The following MNAT1 variants were observed in gnomAD, a reference collection of about 807,000 sequenced individuals.
MNAT1 encodes the protein MNAT1 component of CDK activating kinase.
In MNAT1, 43 loss-of-function variants were observed where a neutral mutation model predicts 42.0. The observed-to-expected ratio is 1.02, with a 90% CI of 0.80 to 1.32. MNAT1 has a LOEUF of 1.32. Ranked by LOEUF, MNAT1 falls within the 40% of genes most tolerant of loss-of-function variation. The probability of loss-of-function intolerance (pLI) is 0.00; values close to 1 mark genes in which losing one functional copy is unlikely to be tolerated. For synonymous variants in MNAT1, 118 were observed against 120.0 expected (o/e 0.98, Z 0.11); for missense variants, 306 against 350.4 (o/e 0.87, Z 1.01).
chr14:60,839,830 G>A (rs1427834251), intron 6 of MNAT1, among the ~76,000 whole-genome samples: 1 of 152,230 alleles, frequency 6.6e-6, no homozygotes, highest in African/African-American at 2.4e-5. Context: ...GCAGCAGCTG[G>A]CATGCCTGGC....
intron 3 of MNAT1, chr14:60,799,519 A>C (rs531448324): frequency 2.0e-6 from 1 of 505,338 alleles, no homozygotes; most frequent in African/African-American, 2.1e-5. Flanking sequence ...GTCAAGCAAT[A>C]AAGGGAAAGG....
intron 7 of MNAT1, among the ~76,000 whole-genome samples, chr14:60,911,486 C>T (rs915840024): frequency 6.6e-6 from 1 of 152,116 alleles, no homozygotes; most frequent in Non-Finnish European, 1.5e-5. Flanking sequence ...CCTCTACACA[C>T]TGCTTTGAAT....
At chr14:60,799,537 A>G (rs2032133724) in intron 3 of MNAT1, 1 of 355,868 alleles carries the variant, frequency 2.8e-6, no homozygotes, top group Non-Finnish European at 3.9e-6. Context: ...AGGAAATTAT[A>G]GGTGTTGCAG....
intron 7 of MNAT1, among the ~76,000 whole-genome samples, chr14:60,944,590 C>A (rs1004614100): frequency 1.3e-5 from 2 of 152,162 alleles, no homozygotes; most frequent in Non-Finnish European, 2.9e-5. Context: ...TACCATATAG[C>A]TTTAGAATCA....
intron 7 of MNAT1, among the ~76,000 whole-genome samples, chr14:60,918,354 G>A (rs944825099): frequency 6.6e-6 from 1 of 150,840 alleles, no homozygotes; most frequent in Non-Finnish European, 1.5e-5. Flanking sequence ...GACTACAGGC[G>A]CCCGCAACCA....
intron 1 of MNAT1, among the ~76,000 whole-genome samples, chr14:60,752,414 G>A (rs1171908506): frequency 6.6e-6 from 1 of 151,958 alleles, no homozygotes; most frequent in African/African-American, 2.4e-5. Flanking sequence ...TGTCTATTAT[G>A]TTTTATTGAA....
At chr14:60,928,570 A>AT (rs1473693584) in intron 7 of MNAT1, among the ~76,000 whole-genome samples, 1 of 152,028 alleles carries the variant, frequency 6.6e-6, no homozygotes, top group Non-Finnish European at 1.5e-5. Flanking sequence ...TATCTCATTA[A>AT]TTTGTCTTTC....
chr14:60,944,419 A>T (rs1027001977), intron 7 of MNAT1, among the ~76,000 whole-genome samples: 1 of 152,218 alleles, frequency 6.6e-6, no homozygotes, highest in African/African-American at 2.4e-5. Context: ...TCTCTCTGCC[A>T]CGTGAGGACA....
intron 6 of MNAT1, among the ~76,000 whole-genome samples, chr14:60,850,806 G>A (rs2033804353): frequency 6.6e-6 from 1 of 152,140 alleles, no homozygotes; most frequent in Non-Finnish European, 1.5e-5. Context: ...GAAAGAGAGT[G>A]ATTAGGTGAC....
At chr14:60,843,341 G>C (rs2033598906) in intron 6 of MNAT1, among the ~76,000 whole-genome samples, 1 of 152,104 alleles carries the variant, frequency 6.6e-6, no homozygotes, top group African/African-American at 2.4e-5. Context: ...CGCGACCTCA[G>C]CTCACTGCAA....
intron 6 of MNAT1, among the ~76,000 whole-genome samples, chr14:60,857,744 GC>G (rs1221804317): frequency 2.0e-5 from 3 of 151,584 alleles, no homozygotes; most frequent in Admixed American, 6.6e-5. Context: ...CCCCTGACAG[GC>G]CCCGGTGTGT....
chr14:60,798,899 C>A (rs1381307063), intron 3 of MNAT1, among the ~76,000 whole-genome samples: 1 of 152,062 alleles, frequency 6.6e-6, no homozygotes, highest in Non-Finnish European at 1.5e-5. Context: ...GATCAAACAG[C>A]AATCATTTTT....
chr14:60,780,849 G>C (rs1370822300), intron 1 of MNAT1, among the ~76,000 whole-genome samples: 1 of 151,860 alleles, frequency 6.6e-6, no homozygotes, highest in African/African-American at 2.4e-5. Flanking sequence ...TCAACATTGT[G>C]ATGTATATTC....
At chr14:60,855,284 G>A (rs748740816) in intron 6 of MNAT1, among the ~76,000 whole-genome samples, 12 of 151,902 alleles carry the variant, frequency 7.9e-5, no homozygotes, top group Non-Finnish European at 1.6e-4. Context: ...GAGACCACTT[G>A]GCTCTCTGGC....
intron 7 of MNAT1, among the ~76,000 whole-genome samples, chr14:60,936,912 A>G (rs940523713): frequency 3.4e-4 from 51 of 152,038 alleles, no homozygotes; most frequent in African/African-American, 1.1e-3. Flanking sequence ...TTTAATGATC[A>G]CCATTCTAAC....
chr14:60,839,747 G>A (rs1310130070), intron 6 of MNAT1, among the ~76,000 whole-genome samples: 2 of 152,234 alleles, frequency 1.3e-5, no homozygotes, highest in South Asian at 4.1e-4. Context: ...GCCTGCAGTG[G>A]AAGCCACTTG....
At chr14:60,804,930 A>G (rs963795513) in intron 3 of MNAT1, among the ~76,000 whole-genome samples, 1 of 152,210 alleles carries the variant, frequency 6.6e-6, no homozygotes, top group African/African-American at 2.4e-5. Context: ...GTTTGCTAAT[A>G]AACAGTGTTT....
At chr14:60,887,742 G>A (rs949988598) in intron 7 of MNAT1, among the ~76,000 whole-genome samples, 1 of 151,926 alleles carries the variant, frequency 6.6e-6, no homozygotes, top group Non-Finnish European at 1.5e-5. Flanking sequence ...TCAAATAGAT[G>A]CAATAAAAAA....
Position 60,924,321 on chromosome 14 carries a change from C to A in MNAT1, c.810-43908C>A, listed in dbSNP as rs150066690. Among the ~76,000 whole-genome samples, 592 of 150,412 alleles carry A rather than the reference C, an allele frequency of 3.9e-3. 1 individual carries two copies. Among genetic ancestry groups the A allele is most frequent in the Admixed American group, 7.3e-3 (110 of 15,140 alleles). On this transcript the variant is annotated intron_variant, in intron 7 of 7. Coordinates refer to ENST00000261245, the MANE Select transcript of MNAT1 (RefSeq NM_002431.4). ...ATACATGTAAAGTTTATAATTCACC[C>A]CAGAATTTATATTACTAAGTTTGTG...
Sources: gnomAD v4.1 joint callset for allele counts (sites outside exome capture counted in the v4.1 genomes callset) on GRCh38, gnomAD v4.1.1 for gene constraint, MANE v1.5 for transcripts, NCBI Gene and HGNC (gene_info 2026-07-23, HGNC 2026-07-21) for gene names.